Variants in IQANK1 observed in about 807,000 individuals in gnomAD.
The protein encoded by IQANK1 is IQ motif and ankyrin repeat domain-containing protein 1.
In IQANK1, 30 loss-of-function variants were observed where a neutral mutation model predicts 22.6. The ratio of observed to expected loss-of-function variants is 1.33; its 90% confidence interval spans 0.99 to 1.80. The LOEUF (loss-of-function observed/expected upper bound fraction) is 1.80. Among genes scored for constraint, IQANK1 ranks in the 40% most tolerant of loss-of-function variants. IQANK1 has a pLI of 0.00. For missense variants in IQANK1, 275 were observed against 235.2 expected, an observed-to-expected ratio of 1.17 and a Z score of -1.11; for synonymous variants, 122 against 99.6, an observed-to-expected ratio of 1.23 and a Z score of -1.34.
intron 3 of IQANK1, among the ~76,000 whole-genome samples, chr8:143,748,733 T>C (rs1563770377): frequency 1.0e-5 from 1 of 96,600 alleles, no homozygotes; most frequent in African/African-American, 8.4e-5. Context: ...ATATCATATA[T>C]AAATATATAA....
At position 143,774,577 on chromosome 8, in the gene IQANK1, G is replaced by A. The variant is rs184052771; in HGVS notation, c.789+2095G>A. Among the ~76,000 whole-genome samples, 32 of 152,288 alleles carry A rather than the reference G, an allele frequency of 2.1e-4. No individual in the cohort carries two copies. The South Asian group carries it at 3.7e-3, about 18-fold the overall frequency. On this transcript the variant is annotated intron_variant, in intron 7 of 13. Coordinates refer to ENST00000527139, the MANE Select transcript of IQANK1 (RefSeq NM_001381874.1). The surrounding 1 kb of genome is among the most constrained non-coding windows in gnomAD (Gnocchi z 4.2). ...GGGGGGACGCAGCACCAGTACAGCC[G>A]CTCTTGCAAATAGGCAGGCGGTTTC...
Position 143,788,940 on chromosome 8 carries a change from G to C in IQANK1, c.815G>C (p.Ser272Thr), listed in dbSNP as rs2129960953. Residue 272 changes from serine to threonine, a missense_variant, in exon 8 of 14, where the codon AGC (serine) becomes ACC (threonine). Physicochemically the swap from Ser to Thr is moderately conservative, Grantham distance 58. Transcript: ENST00000527139. Reference sequence around the variant, plus strand: ...GTGGCCTCACTGGACACAGTGGTGAGCGTGCTGCGCTCGTGGGACCTGAGC... The same window carrying C: ...GTGGCCTCACTGGACACAGTGGTGACCGTGCTGCGCTCGTGGGACCTGAGC... The part of the protein sequence containing the change: ...ERVASLDTVV[S>T]VLRSWDLSLT... 1 of 399,252 alleles carries C rather than the reference G, an allele frequency of 2.5e-6. No individual in the cohort carries two copies. The highest frequency in any genetic ancestry group is 3.6e-5 in the East Asian group (1 of 28,076). 24.7% of individuals were successfully genotyped at this position (399,252 alleles called of 1,614,324 possible).
At chr8:143,764,924 CAT>C (rs1819458775) in intron 3 of IQANK1, among the ~76,000 whole-genome samples, 2 of 152,228 alleles carry the variant, frequency 1.3e-5, no homozygotes, top group African/African-American at 2.4e-5. Context: ...TAAGAGCTCA[CAT>C]GTCACCAACA....
At position 143,735,594 on chromosome 8, in the gene IQANK1, G is replaced by A. The variant is rs141980403; in HGVS notation, c.-4-256G>A. On this transcript the variant is annotated intron_variant, in intron 1 of 13. Coordinates refer to ENST00000527139, the MANE Select transcript of IQANK1 (RefSeq NM_001381874.1). This position sits in a 1 kb window ranked among gnomAD's most constrained non-coding sequence, Gnocchi z 5.2. The stretch of plus-strand genomic sequence containing the variant: ...CGGCAGGATGGGCTGAGCCTGGGGC[G>A]GAGGGGCAGGCAAGCCACGGCCAGG... 7.2e-5 allele frequency among the ~76,000 whole-genome samples: 11 copies of A among 152,256 alleles called. No individual in the cohort carries two copies. Among genetic ancestry groups the A allele is most frequent in the African/African-American group, 1.4e-4 (6 of 41,540 alleles).
intron 7 of IQANK1, among the ~76,000 whole-genome samples, chr8:143,777,810 G>A (rs1314500159): frequency 1.3e-5 from 2 of 152,108 alleles, no homozygotes; most frequent in African/African-American, 2.4e-5. Context: ...GAACCACTGG[G>A]ACCAGTGGGA....
intron 3 of IQANK1, among the ~76,000 whole-genome samples, chr8:143,749,428 ATC>A (rs542797698): frequency 0.029 from 3,771 of 131,764 alleles, 189 homozygotes; most frequent in African/African-American, 0.1. Flanking sequence ...ATATACATAT[ATC>A]TCATATATAA....
intron 3 of IQANK1, chr8:143,742,541 A>G: frequency 2.2e-6 from 1 of 456,022 alleles, no homozygotes; most frequent in South Asian, 1.5e-5. Context: ...CTTTTCCACC[A>G]CGCAATAGAT....
chr8:143,745,145 C>A (rs1253970295), intron 3 of IQANK1: 2 of 152,276 alleles, frequency 1.3e-5, no homozygotes, highest in African/African-American at 4.8e-5. Context: ...GGGCTTCCAG[C>A]CTCCTCTTCA....
intron 3 of IQANK1, among the ~76,000 whole-genome samples, chr8:143,769,300 T>C (rs1174771237): frequency 6.6e-6 from 1 of 151,986 alleles, no homozygotes; most frequent in Non-Finnish European, 1.5e-5. Flanking sequence ...GCTCAAGTGG[T>C]CCTCCCACCT....
chr8:143,759,218 G>T, intron 3 of IQANK1: 1 of 211,098 alleles, frequency 4.7e-6, no homozygotes, highest in Non-Finnish European at 9.8e-6. Context: ...TCACACTAGG[G>T]CTGTGGACGT....
Position 143,772,500 on chromosome 8 carries a change from G to T in IQANK1, c.789+18G>T, listed in dbSNP as rs1819599553. 1 of 399,428 alleles carries T rather than the reference G, an allele frequency of 2.5e-6. No individual in the cohort carries two copies. The highest frequency in any genetic ancestry group is 4.4e-5 in the Admixed American group (1 of 22,720). 24.7% of individuals were successfully genotyped at this position (399,428 alleles called of 1,614,324 possible). ...CTGAGCGGGTGTGGACCCCAGAGGT[G>T]TGGGCCCCGGGAGGTGTGAGCCCCG... On this transcript the variant is annotated intron_variant, in intron 7 of 13. Transcript: ENST00000527139.
Position 143,746,758 on chromosome 8 carries a change from T to G in IQANK1, c.175+6810T>G, listed in dbSNP as rs188822725. 5.6e-3 allele frequency among the ~76,000 whole-genome samples: 858 copies of G among 152,344 alleles called. 30 individuals are homozygous for G. The highest frequency in any genetic ancestry group is 0.051 in the Admixed American group (777 of 15,292). On this transcript the variant is annotated intron_variant, in intron 3 of 13. Transcript: ENST00000527139. ...TCTATTCAGATTTCCTATTTCTTCATGATTTAGTCTTGATAAGTTTTGTGT... is the reference window on the plus strand; with the variant it reads ...TCTATTCAGATTTCCTATTTCTTCAGGATTTAGTCTTGATAAGTTTTGTGT...
At chr8:143,768,226 G>T (rs1012960294) in intron 3 of IQANK1, among the ~76,000 whole-genome samples, 2 of 151,992 alleles carry the variant, frequency 1.3e-5, no homozygotes, top group Non-Finnish European at 2.9e-5. Context: ...AAGCAGAAAT[G>T]ATGTTGTGTT....
At position 143,772,180 on chromosome 8, in the gene IQANK1, C is replaced by T. The variant is rs556176430; in HGVS notation, c.600C>T (p.Ala200=). The change falls in exon 6 of 14, where the codon GCC becomes GCT. Residue 200 remains alanine, a synonymous_variant. Transcript: ENST00000527139. ...GGAACACGCCGCTGTCGGAGGCGGC[C>T]GCAGGCGGGCAGCCCCTGGCCATCC... The part of the protein sequence containing the change: ...SYGNTPLSEA[A]AGGQPLAIQL... 2 of 393,844 alleles carry T rather than the reference C, an allele frequency of 5.1e-6. No homozygotes were observed. The highest frequency in any genetic ancestry group is 1.3e-4 in the South Asian group (1 of 7,828). The allele number at this position is 393,844 out of a possible 1,614,324, so 24.4% of individuals were successfully genotyped here. A position where few individuals can be genotyped will look rare whatever the true frequency, so the allele number is the denominator to read the frequency against.
intron 3 of IQANK1, among the ~76,000 whole-genome samples, chr8:143,770,430 C>T (rs551172029): frequency 6.6e-6 from 1 of 152,318 alleles, no homozygotes; most frequent in East Asian, 1.9e-4. Flanking sequence ...TCCCTTTATT[C>T]TCCTTCGCTG....
At chr8:143,757,472 G>C (rs1819315058) in intron 3 of IQANK1, among the ~76,000 whole-genome samples, 1 of 151,978 alleles carries the variant, frequency 6.6e-6, no homozygotes. Flanking sequence ...AAGTAGCTGA[G>C]ACTATAGGCG....
chr8:143,761,479 T>A (rs1819396882), intron 3 of IQANK1, among the ~76,000 whole-genome samples: 1 of 152,252 alleles, frequency 6.6e-6, no homozygotes, highest in Admixed American at 6.5e-5. Context: ...ACAGCCATAA[T>A]GATAACTCGG....
intron 7 of IQANK1, among the ~76,000 whole-genome samples, chr8:143,772,691 C>T (rs1172231894): frequency 6.6e-6 from 1 of 152,210 alleles, no homozygotes; most frequent in South Asian, 2.1e-4. Context: ...CCCCGCCGTG[C>T]GCCATTCCCT....
At chr8:143,747,957 C>A (rs1024842209) in intron 3 of IQANK1, among the ~76,000 whole-genome samples, 1 of 108,930 alleles carries the variant, frequency 9.2e-6, no homozygotes, top group African/African-American at 3.5e-5. Context: ...CCTTTCCTTT[C>A]CTTTCCTTTC....
Sources: allele counts gnomAD v4.1 joint callset (sites outside exome capture counted in the v4.1 genomes callset), GRCh38; gene constraint gnomAD v4.1.1; non-coding constraint Gnocchi (gnomAD v3.1); transcripts MANE v1.5; gene names NCBI Gene and HGNC (gene_info 2026-07-23, HGNC 2026-07-21).